NXPE4: variants seen among roughly 807,000 people sequenced by gnomAD.
The protein encoded by NXPE4 is neurexophilin and PC-esterase domain family member 4, also known as NXPE family member 4.
In NXPE4, 42 loss-of-function variants were observed where a neutral mutation model predicts 33.3. That is an observed-to-expected ratio of 1.26 (90% CI 0.98 to 1.63). The LOEUF is 1.63. Among genes scored for constraint, NXPE4 ranks in the 40% most tolerant of loss-of-function variants. The probability of loss-of-function intolerance (pLI) is 0.00; values close to 1 mark genes in which losing one functional copy is unlikely to be tolerated. For synonymous variants in NXPE4, 253 were observed against 234.9 expected, an observed-to-expected ratio of 1.08 and a Z score of -0.71; for missense variants, 709 against 647.6, an observed-to-expected ratio of 1.09 and a Z score of -1.03.
the NXPE4 span, among the ~76,000 whole-genome samples, chr11:114,670,427 G>A: frequency 6.6e-6 from 1 of 152,050 alleles, no homozygotes; most frequent in African/African-American, 2.4e-5. Flanking sequence ...AAGCGCAGTG[G>A]CTCACCTCTG....
At chr11:114,584,957 AC>A (rs1353374910) in intron 2 of NXPE4, among the ~76,000 whole-genome samples, 2 of 152,054 alleles carry the variant, frequency 1.3e-5, no homozygotes, top group Non-Finnish European at 2.9e-5. Flanking sequence ...TGAAGGGAAT[AC>A]TTTTGTGCAA....
At chr11:114,634,706 T>C in the NXPE4 span, among the ~76,000 whole-genome samples, 2 of 152,088 alleles carry the variant, frequency 1.3e-5, no homozygotes, top group African/African-American at 2.4e-5. Flanking sequence ...CCCAGCACCA[T>C]TTATTAAATA....
chr11:114,633,733 C>T, the NXPE4 span, among the ~76,000 whole-genome samples: 19 of 151,522 alleles, frequency 1.3e-4, 1 homozygote, highest in African/African-American at 3.6e-4. Context: ...TTTGTCCTTG[C>T]GATTGTTTAC....
At chr11:114,625,429 C>T in the NXPE4 span, among the ~76,000 whole-genome samples, 1 of 150,834 alleles carries the variant, frequency 6.6e-6, no homozygotes, top group African/African-American at 2.4e-5. Context: ...ACTTCTACCA[C>T]ATGGATAATA....
At chr11:114,675,711 A>G in the NXPE4 span, among the ~76,000 whole-genome samples, 1 of 151,964 alleles carries the variant, frequency 6.6e-6, no homozygotes, top group African/African-American at 2.4e-5. Flanking sequence ...TCTTTATCAA[A>G]ATTCCAATGG....
At chr11:114,666,087 T>C in the NXPE4 span, among the ~76,000 whole-genome samples, 1 of 152,094 alleles carries the variant, frequency 6.6e-6, no homozygotes, top group Admixed American at 6.6e-5. Flanking sequence ...TAGTGCACAT[T>C]TTCCCAGACT....
chr11:114,606,212 T>C, the NXPE4 span, among the ~76,000 whole-genome samples: 1 of 151,810 alleles, frequency 6.6e-6, no homozygotes, highest in Non-Finnish European at 1.5e-5. Context: ...ATAATACGTA[T>C]TGCCTCATGG....
chr11:114,629,344 TG>T, the NXPE4 span, among the ~76,000 whole-genome samples: 3 of 147,954 alleles, frequency 2.0e-5, no homozygotes, highest in African/African-American at 7.8e-5. Flanking sequence ...GCTTCATCCC[TG>T]GGATGCAAGC....
the NXPE4 span, among the ~76,000 whole-genome samples, chr11:114,640,719 A>G: frequency 6.6e-6 from 1 of 151,894 alleles, no homozygotes. Flanking sequence ...GATACTGAGT[A>G]TTTTTTATAT....
the NXPE4 span, among the ~76,000 whole-genome samples, chr11:114,617,096 A>G: frequency 8.6e-5 from 13 of 151,530 alleles, no homozygotes; most frequent in African/African-American, 3.2e-4. Context: ...TGCATGGATA[A>G]TAAGTGTTGC....
At chr11:114,599,160 T>C (rs1400407854), upstream of NXPE4, among the ~76,000 whole-genome samples, 2 of 152,122 alleles carry the variant, frequency 1.3e-5, no homozygotes, top group Non-Finnish European at 2.9e-5. Flanking sequence ...CCAGATACCT[T>C]AAATCATCAC....
the NXPE4 span, among the ~76,000 whole-genome samples, chr11:114,676,814 T>C: frequency 1.3e-5 from 2 of 152,004 alleles, no homozygotes. Flanking sequence ...CCCATGTTAA[T>C]TGCAGCAATA....
intron 2 of NXPE4, 171 bp from the exon 3 acceptor site, chr11:114,583,192 TA>T: frequency 1.3e-6 from 1 of 794,238 alleles, no homozygotes. Flanking sequence ...AATTCTCCAA[TA>T]AAAAGGCATA....
the NXPE4 span, among the ~76,000 whole-genome samples, chr11:114,627,095 G>A: frequency 6.6e-6 from 1 of 152,176 alleles, no homozygotes; most frequent in African/African-American, 2.4e-5. Flanking sequence ...AAAACACTCT[G>A]CAGGATATTA....
the NXPE4 span, among the ~76,000 whole-genome samples, chr11:114,613,693 G>A: frequency 6.6e-6 from 1 of 151,912 alleles, no homozygotes; most frequent in Non-Finnish European, 1.5e-5. Context: ...TTGCCTCGTG[G>A]GGAGCCACTG....
chr11:114,630,832 A>T, the NXPE4 span, among the ~76,000 whole-genome samples: 141 of 151,872 alleles, frequency 9.3e-4, 2 homozygotes, highest in South Asian at 6.6e-3. Context: ...TACAAGAAAA[A>T]AACAAACAAC....
At chr11:114,638,882 G>C in the NXPE4 span, among the ~76,000 whole-genome samples, 1 of 150,892 alleles carries the variant, frequency 6.6e-6, no homozygotes, top group South Asian at 2.1e-4. Flanking sequence ...CTACTGGGGG[G>C]TGCCTCCTAG....
rs1342247843 is a variant in NXPE4 at position 114,582,992 on chromosome 11, G to A, written c.126C>T (p.Ser42=). Reference sequence around the variant, plus strand: ...TTGTGGAGTTGTTCCAGTAATGGAGGGAGATGGATAAGTTTAGAGCAGACC... The same window carrying A: ...TTGTGGAGTTGTTCCAGTAATGGAGAGAGATGGATAAGTTTAGAGCAGACC... ...KVWSALNLSI[S]LHYWNNSTKS... is the part of the protein sequence containing the mutation. The change falls in exon 3 of 6, where the codon TCC becomes TCT. Residue 42 remains serine (S), a synonymous_variant. Coordinates refer to ENST00000375478, the MANE Select transcript of NXPE4 (RefSeq NM_001077639.2). 10 of 1,613,366 alleles carry A rather than the reference G, an allele frequency of 6.2e-6. No individual in the cohort carries two copies. The highest frequency in any genetic ancestry group is 4.5e-5 in the East Asian group (2 of 44,872).
the NXPE4 span, among the ~76,000 whole-genome samples, chr11:114,636,490 C>G: frequency 6.6e-6 from 1 of 151,696 alleles, no homozygotes; most frequent in Non-Finnish European, 1.5e-5. Flanking sequence ...TTAGTTATTT[C>G]TTGCCTTCTG....
Sources: gnomAD v4.1 joint callset for allele counts (sites outside exome capture counted in the v4.1 genomes callset) on GRCh38, gnomAD v4.1.1 for gene constraint, MANE v1.5 for transcripts, NCBI Gene and HGNC (gene_info 2026-07-23, HGNC 2026-07-21) for gene names.